Variants in GLOD4 observed in about 807,000 individuals in gnomAD.
GLOD4 encodes glyoxalase domain containing 4.
GLOD4 carries 44 observed loss-of-function variants against 39.1 expected under a neutral mutation model. The observed-to-expected ratio is 1.13, with a 90% CI of 0.88 to 1.45. The LOEUF (loss-of-function observed/expected upper bound fraction) is 1.45, where lower values mean the gene tolerates loss of function less well. Ranked by LOEUF, GLOD4 falls within the 40% of genes most tolerant of loss-of-function variation. The pLI is 0.00. For synonymous variants in GLOD4, 145 were observed against 135.0 expected (o/e 1.07, Z -0.52); for missense variants, 405 against 366.4 (o/e 1.11, Z -0.86).
chr17:775,570 G>A (rs1163883164), intron 4 of GLOD4, among the ~76,000 whole-genome samples: 1 of 152,168 alleles, frequency 6.6e-6, no homozygotes, highest in Non-Finnish European at 1.5e-5. Context: ...ATTACCAGTA[G>A]AACAGAACTA....
At chr17:772,274 G>T (rs369829972) in intron 4 of GLOD4, among the ~76,000 whole-genome samples, 1 of 150,738 alleles carries the variant, frequency 6.6e-6, no homozygotes, top group East Asian at 1.9e-4. Context: ...TAATCATTTG[G>T]TAAGAAAAAC....
At chr17:783,392 A>G (rs1416350032), upstream of GLOD4, 6 of 1,485,310 alleles carry the variant, frequency 4.0e-6, no homozygotes, top group Non-Finnish European at 4.5e-6. Context: ...GCTGGAGTGC[A>G]ATGGCGCGAT....
chr17:775,911 C>T lies in GLOD4; in HGVS notation c.270G>A (p.Thr90=), dbSNP rs143453373. 2.2e-5 allele frequency: 35 copies of T among 1,612,480 alleles called. No individual in the cohort carries two copies. The highest frequency in any genetic ancestry group is 4.5e-5 in the East Asian group (2 of 44,892). ...TGCTGACAGCCTGGCTAGAAGCGAG[C>T]GTGATTCCCTACAACAAACAACAGT... is the stretch of plus-strand genomic sequence containing the variant. ...YKLGNDFMGI[T]LASSQAVSNA... Residue 90 remains threonine (T), a synonymous_variant, in exon 4 of 9, where the codon ACG becomes ACA. Transcript: ENST00000301329.
chr17:769,642 G>T (rs1907580416), intron 8 of GLOD4, among the ~76,000 whole-genome samples: 1 of 152,178 alleles, frequency 6.6e-6, no homozygotes, highest in South Asian at 2.1e-4. Context: ...ACCAGCAGTG[G>T]TTCCAGGGCA....
intron 8 of GLOD4, among the ~76,000 whole-genome samples, chr17:767,894 A>T (rs1383035612): frequency 6.9e-6 from 1 of 144,686 alleles, no homozygotes; most frequent in Non-Finnish European, 1.5e-5. Flanking sequence ...GACGTAAGAG[A>T]GAGAAACAGC....
chr17:783,267 A>G, upstream of GLOD4: 1 of 1,614,092 alleles, frequency 6.2e-7, no homozygotes. Context: ...CAGCCTCATT[A>G]AGGTGAAATT....
intron 8 of GLOD4, among the ~76,000 whole-genome samples, chr17:761,234 T>G (rs1294699272): frequency 6.6e-6 from 1 of 152,140 alleles, no homozygotes; most frequent in Non-Finnish European, 1.5e-5. Context: ...CAAGATGAGG[T>G]GGCAATTGAA....
At chr17:775,440 T>A (rs1025034992) in intron 4 of GLOD4, among the ~76,000 whole-genome samples, 4 of 152,160 alleles carry the variant, frequency 2.6e-5, no homozygotes, top group Admixed American at 2.6e-4. Context: ...TGGTGAATCA[T>A]CTAACCTTGA....
rs774955627 is a variant in GLOD4, at chr17:770,401, G to A, written c.630+20C>T. 5 of 1,275,466 alleles carry A rather than the reference G, an allele frequency of 3.9e-6. No individual in the cohort carries two copies. The highest frequency in any genetic ancestry group is 3.6e-5 in the South Asian group (3 of 84,464). The allele number at this position is 1,275,466 out of a possible 1,614,324, so 79.0% of individuals were successfully genotyped here. The stretch of plus-strand genomic sequence containing the variant: ...AACTAGCTAGTCAGAAAGCTCAAAC[G>A]ATCTGGTATCAAGCGTTACCTCTTT... On this transcript the variant is annotated intron_variant, in intron 6 of 8. Transcript: ENST00000301329.
intron 4 of GLOD4, among the ~76,000 whole-genome samples, chr17:774,389 C>A (rs1376117768): frequency 6.6e-6 from 1 of 152,226 alleles, no homozygotes; most frequent in Admixed American, 6.5e-5. Flanking sequence ...GTAAGGGAGT[C>A]GGCACAAGTG....
chr17:771,195 G>C (rs1907893497), intron 5 of GLOD4, 130 bp downstream of exon 5: 1 of 607,446 alleles, frequency 1.6e-6, no homozygotes, highest in African/African-American at 1.9e-5. Context: ...TATAAATATT[G>C]AATCACTGTG....
intron 5 of GLOD4, chr17:771,088 G>T: frequency 3.0e-6 from 1 of 335,622 alleles, no homozygotes. Context: ...CAATCTCTTG[G>T]ATTAAGCAAT....
intron 8 of GLOD4, among the ~76,000 whole-genome samples, chr17:761,799 C>T (rs931323452): frequency 1.2e-4 from 19 of 152,126 alleles, no homozygotes; most frequent in African/African-American, 4.1e-4. Context: ...CCATCGCGCC[C>T]GGCTGAACCT....
At chr17:770,356 C>G in intron 6 of GLOD4, 65 bp downstream of exon 6, 1 of 883,550 alleles carries the variant, frequency 1.1e-6, no homozygotes, top group Non-Finnish European at 1.9e-6. Context: ...AAGGGAAGGA[C>G]AAAGTTCTTA....
chr17:770,184 C>G, intron 6 of GLOD4, 27 bp from the exon 7 acceptor site: 1 of 1,271,840 alleles, frequency 7.9e-7, no homozygotes, highest in Non-Finnish European at 1.1e-6. Context: ...GCAACGTGAG[C>G]CAGGGGTCAC....
intron 2 of GLOD4, chr17:777,321 G>T: frequency 3.6e-6 from 1 of 280,186 alleles, no homozygotes; most frequent in Non-Finnish European, 7.0e-6. Flanking sequence ...AATAGGCCTT[G>T]GACTGTTCCA....
chr17:767,013 A>G (rs369488097), intron 8 of GLOD4, among the ~76,000 whole-genome samples: 1 of 152,214 alleles, frequency 6.6e-6, no homozygotes, highest in Non-Finnish European at 1.5e-5. Flanking sequence ...TAAAATGTAT[A>G]AAGACTGTAT....
At chr17:785,374 A>G (rs922257656), upstream of GLOD4, among the ~76,000 whole-genome samples, 2 of 151,808 alleles carry the variant, frequency 1.3e-5, no homozygotes, top group African/African-American at 4.8e-5. Context: ...AAAACTTTAG[A>G]GATTAATAAT....
At chr17:782,118 C>G (rs1910074754) in intron 1 of GLOD4, 48 bp downstream of exon 1, 3 of 1,422,972 alleles carry the variant, frequency 2.1e-6, no homozygotes. Context: ...CCGGCTCGGG[C>G]GCCGGTTCCA....
Sources: allele counts gnomAD v4.1 joint callset (sites outside exome capture counted in the v4.1 genomes callset), GRCh38; gene constraint gnomAD v4.1.1; transcripts MANE v1.5; gene names NCBI Gene and HGNC (gene_info 2026-07-23, HGNC 2026-07-21).